Variants in SH3PXD2A observed in about 807,000 individuals in gnomAD.
SH3PXD2A encodes the protein SH3 and PX domains 2A, also known as SH3 and PX domain-containing protein 2A.
In SH3PXD2A, 32 loss-of-function variants were observed where a neutral mutation model predicts 115.2. That is an observed-to-expected ratio of 0.28 (90% CI 0.21 to 0.37). SH3PXD2A has a LOEUF of 0.37. Among genes scored for constraint, SH3PXD2A ranks in the 10% least tolerant of loss-of-function variants. The pLI, the probability that SH3PXD2A is intolerant of heterozygous loss-of-function variation, is 1.00. For synonymous variants in SH3PXD2A, 610 were observed against 629.1 expected (o/e 0.97, Z 0.45); for missense variants, 1,328 against 1,498.7 (o/e 0.89, Z 1.88).
At chr10:103,725,512 G>A (rs2038230062) in intron 4 of SH3PXD2A, among the ~76,000 whole-genome samples, 1 of 152,112 alleles carries the variant, frequency 6.6e-6, no homozygotes, top group South Asian at 2.1e-4. Flanking sequence ...CAGCTGGAAA[G>A]TGAGGCACTA....
rs1344863008 is a variant in SH3PXD2A, at chr10:103,665,970, G to C, written c.472+2638C>G. Among the ~76,000 whole-genome samples, 4 of 152,128 alleles carry C rather than the reference G, an allele frequency of 2.6e-5. No homozygotes were observed. In the East Asian group the frequency reaches 7.7e-4, roughly 29 times the overall value. On this transcript the variant is annotated intron_variant, in intron 7 of 14. Transcript: ENST00000369774. This position sits in a 1 kb window ranked among gnomAD's most constrained non-coding sequence, Gnocchi z 4.0. ...AGAGCCCCTGGCTGGACCTGCTGGG[G>C]TCCCAGGGGTCCCCTGGACCCCTGC...
At chr10:103,697,645 C>G (rs1321126831) in intron 5 of SH3PXD2A, among the ~76,000 whole-genome samples, 1 of 152,206 alleles carries the variant, frequency 6.6e-6, no homozygotes, top group Non-Finnish European at 1.5e-5. Context: ...GAGTGGCCAA[C>G]TCTCAGAGCC....
At position 103,611,572 on chromosome 10, in the gene SH3PXD2A, T is replaced by C; in HGVS notation, c.1308+9A>G. 4.3e-6 allele frequency: 7 copies of C among 1,613,176 alleles called. No homozygotes were observed. Among genetic ancestry groups the C allele is most frequent in the Non-Finnish European group, 5.9e-6 (7 of 1,179,108 alleles). On this transcript the variant is annotated intron_variant, in intron 13 of 14. Coordinates refer to ENST00000369774, the MANE Select transcript of SH3PXD2A (RefSeq NM_001394015.1). ...GAAGGAAAGGGGAGAAGAAATTCAG[T>C]ACACATACCAGGCTGGATTCTCTGC... is the stretch of plus-strand genomic sequence containing the variant.
chr10:103,832,972 T>C (rs2039497047), intron 1 of SH3PXD2A, among the ~76,000 whole-genome samples: 1 of 152,194 alleles, frequency 6.6e-6, no homozygotes, highest in Non-Finnish European at 1.5e-5. Context: ...GCCACATTGT[T>C]TTCCAAAGTG....
At position 103,675,156 on chromosome 10, in the gene SH3PXD2A, T is replaced by A. The variant is rs573015136; in HGVS notation, c.428-6504A>T. ...CAGGCCTGCTCCTACACTCAGAGCC[T>A]CCAAGGCAGAGCTGGCTTCGTGGAG... is the stretch of plus-strand genomic sequence containing the variant. On this transcript the variant is annotated intron_variant, in intron 6 of 14. Coordinates refer to ENST00000369774, the MANE Select transcript of SH3PXD2A (RefSeq NM_001394015.1). 4.6e-5 allele frequency among the ~76,000 whole-genome samples: 7 copies of A among 152,298 alleles called. No individual in the cohort carries two copies. The South Asian group carries it at 1.5e-3, about 32-fold the overall frequency.
rs1310333791 is a variant in SH3PXD2A at position 103,784,049 on chromosome 10, G to C, written c.154-16880C>G. On this transcript the variant is annotated intron_variant, in intron 2 of 14. Transcript: ENST00000369774. The surrounding 1 kb of genome is among the most constrained non-coding windows in gnomAD (Gnocchi z 4.4). ...AGCCCACCCTGGTGCCCAGCTGCAGGCTACTTCTCCAGGTGGCAGCCCAGC... is the reference window on the plus strand; with the variant it reads ...AGCCCACCCTGGTGCCCAGCTGCAGCCTACTTCTCCAGGTGGCAGCCCAGC... Among the ~76,000 whole-genome samples the C allele has an allele frequency of 4.6e-5, 7 of 152,378 alleles. No individual in the cohort carries two copies. In the East Asian group the frequency reaches 9.6e-4, roughly 21 times the overall value.
chr10:103,763,859 T>C (rs1263287032), intron 3 of SH3PXD2A, among the ~76,000 whole-genome samples: 2 of 152,196 alleles, frequency 1.3e-5, no homozygotes, highest in African/African-American at 4.8e-5. Context: ...TCCCCTAAGA[T>C]GGAACAGTTT....
chr10:103,678,364 G>A (rs918258450), intron 6 of SH3PXD2A, among the ~76,000 whole-genome samples: 14 of 152,238 alleles, frequency 9.2e-5, no homozygotes, highest in African/African-American at 3.4e-4. Context: ...TGGCTCTCAC[G>A]TGACCCAGCT....
intron 13 of SH3PXD2A, among the ~76,000 whole-genome samples, chr10:103,607,067 C>T (rs1377518235): frequency 1.3e-5 from 2 of 151,746 alleles, no homozygotes; most frequent in Admixed American, 6.6e-5. Flanking sequence ...TCTTCCCGGC[C>T]GCCATCCCAT....
intron 8 of SH3PXD2A, among the ~76,000 whole-genome samples, chr10:103,647,261 C>T (rs1236447399): frequency 6.6e-6 from 1 of 152,134 alleles, no homozygotes; most frequent in African/African-American, 2.4e-5. Context: ...TGGATGTCTC[C>T]GTCCCTCAAA....
intron 3 of SH3PXD2A, among the ~76,000 whole-genome samples, chr10:103,759,430 T>C (rs1483697181): frequency 6.6e-6 from 1 of 152,202 alleles, no homozygotes; most frequent in East Asian, 1.9e-4. Context: ...GGGATATGGA[T>C]AGCGATGCAT....
intron 13 of SH3PXD2A, among the ~76,000 whole-genome samples, chr10:103,606,135 G>T (rs983070507): frequency 1.3e-5 from 2 of 151,906 alleles, no homozygotes; most frequent in African/African-American, 2.4e-5. Context: ...AGGACTCACG[G>T]AAGACTTGTC....
At chr10:103,854,439 C>T (rs534589860) in intron 1 of SH3PXD2A, among the ~76,000 whole-genome samples, 19 of 152,270 alleles carry the variant, frequency 1.2e-4, no homozygotes, top group African/African-American at 3.9e-4. Context: ...GGCTCTGGAG[C>T]TGCCCCAGTC....
At chr10:103,833,029 T>A (rs1480932423) in intron 1 of SH3PXD2A, among the ~76,000 whole-genome samples, 1 of 152,180 alleles carries the variant, frequency 6.6e-6, no homozygotes, top group Non-Finnish European at 1.5e-5. Context: ...TTCCCCATAT[T>A]CTCACCAACA....
At position 103,631,332 on chromosome 10, in the gene SH3PXD2A, ATAAT is replaced by A. The variant is rs1364981159; in HGVS notation, c.605-4134_605-4131del. Among the ~76,000 whole-genome samples the A allele has an allele frequency of 1.1e-4, 17 of 152,346 alleles. 1 individual carries two copies. Among genetic ancestry groups the A allele is most frequent in the African/African-American group, 3.4e-4 (14 of 41,578 alleles). ...ACAAGTTAGGCACAGGAGATTAACA[ATAAT>A]TAATAAAATAGAACAATTATAACAA... On this transcript the variant is annotated intron_variant, in intron 8 of 14. Transcript: ENST00000369774.
chr10:103,728,225 C>T (rs2038266901), intron 4 of SH3PXD2A, among the ~76,000 whole-genome samples: 1 of 152,192 alleles, frequency 6.6e-6, no homozygotes, highest in African/African-American at 2.4e-5. Flanking sequence ...ATTACCTGCC[C>T]TCTGAGCTCT....
At chr10:103,760,240 T>C (rs553967085) in intron 3 of SH3PXD2A, among the ~76,000 whole-genome samples, 8 of 152,238 alleles carry the variant, frequency 5.3e-5, no homozygotes, top group Non-Finnish European at 7.4e-5. Context: ...CCTACGGAAC[T>C]TGGAGGAACA....
chr10:103,697,010 C>T (rs1031862698), intron 5 of SH3PXD2A, among the ~76,000 whole-genome samples: 3 of 152,110 alleles, frequency 2.0e-5, no homozygotes, highest in Non-Finnish European at 2.9e-5. Context: ...GCCTCTACTC[C>T]CACCCCGCCC....
chr10:103,690,097 A>T (rs1381504779), intron 6 of SH3PXD2A, among the ~76,000 whole-genome samples: 1 of 152,134 alleles, frequency 6.6e-6, no homozygotes, highest in Non-Finnish European at 1.5e-5. Flanking sequence ...CAGTCACCCC[A>T]TCGGAGCCTC....
Sources: gnomAD v4.1 joint callset for allele counts (sites outside exome capture counted in the v4.1 genomes callset) on GRCh38, gnomAD v4.1.1 for gene constraint, Gnocchi (gnomAD v3.1) non-coding constraint, MANE v1.5 for transcripts, NCBI Gene and HGNC (gene_info 2026-07-23, HGNC 2026-07-21) for gene names.